The following KLHL2 variants were observed in gnomAD, a reference collection of about 807,000 sequenced individuals.
The protein encoded by KLHL2 is kelch like family member 2.
A neutral mutation model predicts 75.8 loss-of-function variants in KLHL2; 15 were observed. The observed-to-expected ratio is 0.20, with a 90% CI of 0.13 to 0.30. The LOEUF is 0.30. KLHL2 is among the 10% of genes least tolerant of loss of function. KLHL2 has a pLI of 1.00. For synonymous variants in KLHL2, 214 were observed against 251.9 expected (o/e 0.85, Z 1.42); for missense variants, 381 against 741.0 (o/e 0.51, Z 5.64).
rs764974276 is a variant in KLHL2, at chr4:165,278,982, A to T, written c.545-15377A>T. On this transcript the variant is annotated intron_variant, in intron 5 of 14. Coordinates refer to ENST00000226725, the MANE Select transcript of KLHL2 (RefSeq NM_007246.4). ...AGAATTTCCATTGGAATTCCAAAAAATTCACAGAGTTGTTTATCCCATTCC... is the reference window on the plus strand; with the variant it reads ...AGAATTTCCATTGGAATTCCAAAAATTTCACAGAGTTGTTTATCCCATTCC... The T allele has an allele frequency of 5.3e-6, 8 of 1,496,368 alleles. No individual in the cohort carries two copies. The African/African-American group carries it at 1.1e-4, about 21-fold the overall frequency. The allele number at this position is 1,496,368 out of a possible 1,614,324, so 92.7% of individuals were successfully genotyped here.
intron 4 of KLHL2, among the ~76,000 whole-genome samples, chr4:165,251,452 T>G (rs1315981184): frequency 1.3e-5 from 2 of 152,142 alleles, no homozygotes; most frequent in African/African-American, 4.8e-5. Context: ...CTAGTTAAAT[T>G]ATTTTTATTC....
intron 5 of KLHL2, chr4:165,279,688 G>A: frequency 6.5e-7 from 1 of 1,537,740 alleles, no homozygotes; most frequent in Non-Finnish European, 9.0e-7. Flanking sequence ...CCGGTTTCCT[G>A]GGTGACGGCG....
intron 5 of KLHL2, chr4:165,278,529 C>T (rs753584519): frequency 1.7e-5 from 27 of 1,609,526 alleles, no homozygotes; most frequent in Non-Finnish European, 2.1e-5. Flanking sequence ...GCGCTGGGCT[C>T]CCAATAAGGT....
intron 4 of KLHL2, among the ~76,000 whole-genome samples, chr4:165,262,347 T>G (rs1044297367): frequency 1.3e-5 from 2 of 152,206 alleles, no homozygotes; most frequent in African/African-American, 4.8e-5. Context: ...GAGACTGTTG[T>G]TGAACTTTAA....
At chr4:165,246,537 G>A (rs1740280189) in intron 4 of KLHL2, among the ~76,000 whole-genome samples, 1 of 152,160 alleles carries the variant, frequency 6.6e-6, no homozygotes, top group South Asian at 2.1e-4. Flanking sequence ...GGCGTGAGAT[G>A]GTGAACAATA....
In KLHL2 at chr4:165,207,972, C is replaced by G; in HGVS notation, c.26+70C>G. On this transcript the variant is annotated intron_variant, in intron 1 of 14. Transcript: ENST00000226725. The surrounding 1 kb of genome is among the most constrained non-coding windows in gnomAD (Gnocchi z 4.2). Reference sequence around the variant, plus strand: ...CCGCTGCGGCGCGTGTCGCCGGCCGCGGGCGCAGCTCTGGGGACAGCCGCC... The same window carrying G: ...CCGCTGCGGCGCGTGTCGCCGGCCGGGGGCGCAGCTCTGGGGACAGCCGCC... The G allele has an allele frequency of 8.4e-7, 1 of 1,197,192 alleles. No homozygotes were observed. Among genetic ancestry groups the G allele is most frequent in the Non-Finnish European group, 1.1e-6 (1 of 949,428 alleles). The allele number at this position is 1,197,192 out of a possible 1,614,324, so 74.2% of individuals were successfully genotyped here. A position where few individuals can be genotyped will look rare whatever the true frequency, so the allele number is the denominator to read the frequency against.
chr4:165,293,670 A>ATTTTTTTTT (rs35736944), intron 5 of KLHL2, among the ~76,000 whole-genome samples: 9 of 125,990 alleles, frequency 7.1e-5, no homozygotes, highest in Non-Finnish European at 8.2e-5. Flanking sequence ...TGCCTGGCTA[A>ATTTTTTTTT]TTTTTTTTTT....
At chr4:165,270,920 A>G (rs1742638437) in intron 5 of KLHL2, among the ~76,000 whole-genome samples, 1 of 152,060 alleles carries the variant, frequency 6.6e-6, no homozygotes. Flanking sequence ...TCCCCAGTTT[A>G]TGTTTTTGTA....
chr4:165,208,538 T>A (rs1736997168), intron 1 of KLHL2: 1 of 152,172 alleles, frequency 6.6e-6, no homozygotes, highest in Admixed American at 6.5e-5. Flanking sequence ...ACAGGTGTCT[T>A]TTTTCTTTGG....
At chr4:165,234,989 AC>A (rs1739215270) in intron 3 of KLHL2, among the ~76,000 whole-genome samples, 1 of 151,672 alleles carries the variant, frequency 6.6e-6, no homozygotes, top group South Asian at 2.1e-4. Context: ...ACAGAATGAG[AC>A]TCTGTCTCAA....
chr4:165,306,716 G>A (rs1745754998), intron 9 of KLHL2, among the ~76,000 whole-genome samples: 2 of 152,118 alleles, frequency 1.3e-5, no homozygotes, highest in South Asian at 4.1e-4. Flanking sequence ...TCTCTGAATT[G>A]TCAGTTCATG....
At position 165,259,830 on chromosome 4, in the gene KLHL2, G is replaced by A. The variant is rs115594076; in HGVS notation, c.382-3367G>A. Among the ~76,000 whole-genome samples the A allele has an allele frequency of 6.9e-3, 1,044 of 152,288 alleles. 15 individuals carry two copies. Among genetic ancestry groups the A allele is most frequent in the African/African-American group, 0.024 (988 of 41,562 alleles). On this transcript the variant is annotated intron_variant, in intron 4 of 14. Coordinates refer to ENST00000226725, the MANE Select transcript of KLHL2 (RefSeq NM_007246.4). Reference sequence around the variant, plus strand: ...GCTGACCAATTTGATTATATCCCTAGCTTTCCATGACTCGCTGTATGACTT... The same window carrying A: ...GCTGACCAATTTGATTATATCCCTAACTTTCCATGACTCGCTGTATGACTT...
Position 165,264,740 on chromosome 4 carries a change from GTATATATA to G in KLHL2, c.544+1400_544+1407del, listed in dbSNP as rs1216985793. On this transcript the variant is annotated intron_variant, in intron 5 of 14. Coordinates refer to ENST00000226725, the MANE Select transcript of KLHL2 (RefSeq NM_007246.4). ...TATATACATATATATATATATATAT[GTATATATA>G]TATATATATATATATATAAAACATT... Among the ~76,000 whole-genome samples, 7 of 75,750 alleles carry G rather than the reference GTATATATA, an allele frequency of 9.2e-5. No individual in the cohort carries two copies. The East Asian group carries it at 1.7e-3, about 18-fold the overall frequency. 49.7% of individuals were successfully genotyped at this position (75,750 alleles called of 152,430 possible).
intron 8 of KLHL2, among the ~76,000 whole-genome samples, chr4:165,303,030 GT>G (rs1745451501): frequency 6.6e-6 from 1 of 152,138 alleles, no homozygotes. Flanking sequence ...CCACACAATG[GT>G]TTATGACACA....
chr4:165,235,937 G>A (rs17842699), intron 3 of KLHL2, among the ~76,000 whole-genome samples: 66,114 of 149,606 alleles, frequency 0.44, 15,475 homozygotes, highest in African/African-American at 0.6. Context: ...AGAAGGCTAG[G>A]TAATGAATCA....
At chr4:165,215,358 C>G (rs981355552) in intron 1 of KLHL2, among the ~76,000 whole-genome samples, 1 of 152,188 alleles carries the variant, frequency 6.6e-6, no homozygotes, top group Non-Finnish European at 1.5e-5. Flanking sequence ...CTCTGTACTT[C>G]TGATATCCTG....
intron 3 of KLHL2, among the ~76,000 whole-genome samples, chr4:165,232,695 A>T (rs1205420913): frequency 2.0e-5 from 3 of 152,068 alleles, no homozygotes; most frequent in African/African-American, 7.2e-5. Context: ...AGCTGAGATC[A>T]TGCCACTGCC....
chr4:165,263,510 T>A, intron 5 of KLHL2, 151 bp downstream of exon 5: 1 of 962,242 alleles, frequency 1.0e-6, no homozygotes, highest in Non-Finnish European at 1.5e-6. Context: ...ACTGCATAAC[T>A]GAAGCATACT....
chr4:165,265,320 A>G (rs1369545105), intron 5 of KLHL2, among the ~76,000 whole-genome samples: 1 of 151,840 alleles, frequency 6.6e-6, no homozygotes, highest in East Asian at 1.9e-4. Flanking sequence ...CTCCCATTCT[A>G]TAGGTTGTGT....
Sources: gnomAD v4.1 joint callset for allele counts (sites outside exome capture counted in the v4.1 genomes callset) on GRCh38, gnomAD v4.1.1 for gene constraint, Gnocchi (gnomAD v3.1) non-coding constraint, MANE v1.5 for transcripts, NCBI Gene and HGNC (gene_info 2026-07-23, HGNC 2026-07-21) for gene names.